The following JDP2 variants were observed in gnomAD, a reference collection of about 807,000 sequenced individuals.
JDP2 encodes Jun dimerization protein 2.
In JDP2, 9 loss-of-function variants were observed where a neutral mutation model predicts 17.1. That is an observed-to-expected ratio of 0.53 (90% confidence interval 0.32 to 0.92). The LOEUF (loss-of-function observed/expected upper bound fraction) is 0.92. JDP2 is among the 40% of genes least tolerant of loss of function. The probability of loss-of-function intolerance (pLI) is 0.04; values close to 1 mark genes in which losing one functional copy is unlikely to be tolerated. For missense variants in JDP2, 179 were observed against 220.0 expected, an observed-to-expected ratio of 0.81 and a Z score of 1.18; for synonymous variants, 107 against 95.6, an observed-to-expected ratio of 1.12 and a Z score of -0.69.
At chr14:75,457,896 A>T (rs1313785392) in intron 2 of JDP2, among the ~76,000 whole-genome samples, 1 of 152,266 alleles carries the variant, frequency 6.6e-6, no homozygotes, top group Non-Finnish European at 1.5e-5. Flanking sequence ...GGAAAAGGCC[A>T]TGCAGATGCA....
chr14:75,456,042 A>G lies in JDP2; in HGVS notation c.202-5384A>G, dbSNP rs533105046. Among the ~76,000 whole-genome samples the G allele has an allele frequency of 2.5e-4, 38 of 152,298 alleles. No homozygotes were observed. In the South Asian group the frequency reaches 6.6e-3, roughly 27 times the overall value. ...TTCAGCTCCTCCATTAGCCCCTGGC[A>G]TCACCTGACCTCCAAGGGTAGAAGC... On this transcript the variant is annotated intron_variant, in intron 2 of 3. Coordinates refer to ENST00000651602, the MANE Select transcript of JDP2 (RefSeq NM_001135048.2).
intron 2 of JDP2, among the ~76,000 whole-genome samples, chr14:75,453,028 T>C (rs1425132532): frequency 6.6e-6 from 1 of 151,970 alleles, no homozygotes. Flanking sequence ...CCCTGCAGGC[T>C]GCCGGGGGTC....
In JDP2 at chr14:75,428,201, G is replaced by C. The variant is rs1457908300; in HGVS notation, c.-75G>C. 1 of 145,832 alleles carries C rather than the reference G, an allele frequency of 6.9e-6. No homozygotes were observed. Among genetic ancestry groups the C allele is most frequent in the Admixed American group, 6.8e-5 (1 of 14,716 alleles). The allele number at this position is 145,832 out of a possible 1,614,324, so 9.0% of individuals were successfully genotyped here. ...GCGGCGCGGAGCGGGCACGGCGCCT[G>C]CAGCCGGGCCCCGGCCCCGGGGGCG... On this transcript the variant is annotated 5_prime_UTR_variant, in exon 1 of 4. Coordinates refer to ENST00000651602, the MANE Select transcript of JDP2 (RefSeq NM_001135048.2). The surrounding 1 kb of genome is among the most constrained non-coding windows in gnomAD (Gnocchi z 5.6).
intron 3 of JDP2, among the ~76,000 whole-genome samples, chr14:75,466,426 G>C (rs555285956): frequency 5.3e-5 from 8 of 152,228 alleles, no homozygotes; most frequent in Non-Finnish European, 1.0e-4. Context: ...GGGTGACAGA[G>C]TGAGACTCTG....
intron 2 of JDP2, among the ~76,000 whole-genome samples, chr14:75,444,654 CCT>C (rs750907582): frequency 7.9e-5 from 12 of 152,218 alleles, no homozygotes; most frequent in Non-Finnish European, 1.6e-4. Context: ...GGATCCACAT[CCT>C]CATCACAGAG....
Position 75,461,535 on chromosome 14 carries a change from G to A in JDP2, c.306+5G>A. ...CGCACGGAGTTTCTGCAGCGGGTGA[G>A]CTGACCGGGTGGGTGGGGAGGCCTG... On this transcript the variant is annotated splice_donor_5th_base_variant and intron_variant, in intron 3 of 3. Coordinates refer to ENST00000651602, the MANE Select transcript of JDP2 (RefSeq NM_001135048.2). 1 of 1,594,658 alleles carries A rather than the reference G, an allele frequency of 6.3e-7. No individual in the cohort carries two copies.
intron 2 of JDP2, among the ~76,000 whole-genome samples, chr14:75,458,000 T>G (rs1222551512): frequency 6.6e-6 from 1 of 152,194 alleles, no homozygotes; most frequent in Non-Finnish European, 1.5e-5. Flanking sequence ...GAGTGACATT[T>G]GTTGAGCCCC....
intron 2 of JDP2, chr14:75,445,140 T>G (rs1885536675): frequency 1.0e-6 from 1 of 985,026 alleles, no homozygotes. Context: ...CTCTCCTGGG[T>G]GAGGCTCATC....
At chr14:75,449,486 GAGA>G (rs1289916161) in intron 2 of JDP2, among the ~76,000 whole-genome samples, 1 of 152,164 alleles carries the variant, frequency 6.6e-6, no homozygotes, top group African/African-American at 2.4e-5. Flanking sequence ...TTAACTCTTT[GAGA>G]AGAAGACAGA....
chr14:75,456,636 C>T (rs755218143), intron 2 of JDP2, among the ~76,000 whole-genome samples: 2 of 152,158 alleles, frequency 1.3e-5, no homozygotes, highest in African/African-American at 2.4e-5. Flanking sequence ...GGTTGTTTCT[C>T]TCTTGGTACG....
intron 2 of JDP2, among the ~76,000 whole-genome samples, chr14:75,453,412 C>T (rs950297172): frequency 6.6e-6 from 1 of 152,292 alleles, no homozygotes; most frequent in South Asian, 2.1e-4. Context: ...CAACTCAGCA[C>T]GCCCTGAACT....
At chr14:75,460,274 T>A (rs1207071665) in intron 2 of JDP2, among the ~76,000 whole-genome samples, 1 of 150,862 alleles carries the variant, frequency 6.6e-6, no homozygotes, top group Non-Finnish European at 1.5e-5. Flanking sequence ...GGAGGCCCCT[T>A]GCTTGTTCCC....
intron 2 of JDP2, 79 bp downstream of exon 2, chr14:75,438,200 G>A: frequency 8.4e-7 from 1 of 1,194,474 alleles, no homozygotes; most frequent in Non-Finnish European, 1.2e-6. Context: ...GCTGTTCAAA[G>A]TGTGGTCTGA....
intron 3 of JDP2, among the ~76,000 whole-genome samples, chr14:75,467,883 G>A (rs1886635708): frequency 6.6e-6 from 1 of 152,114 alleles, no homozygotes; most frequent in Non-Finnish European, 1.5e-5. Flanking sequence ...CCTTTAGTGA[G>A]GCTGTTTTCT....
intron 2 of JDP2, among the ~76,000 whole-genome samples, chr14:75,441,681 G>A (rs943889586): frequency 1.3e-5 from 2 of 152,194 alleles, no homozygotes; most frequent in African/African-American, 2.4e-5. Flanking sequence ...GTCATTTCCT[G>A]GGTTGTGGGA....
intron 2 of JDP2, among the ~76,000 whole-genome samples, chr14:75,441,070 G>C (rs1885323309): frequency 6.6e-6 from 1 of 152,174 alleles, no homozygotes; most frequent in South Asian, 2.1e-4. Context: ...GACATTGTCT[G>C]ATGAGTGCTG....
intron 2 of JDP2, among the ~76,000 whole-genome samples, chr14:75,438,419 G>A (rs1885179936): frequency 6.6e-6 from 1 of 152,190 alleles, no homozygotes; most frequent in South Asian, 2.1e-4. Context: ...AATAATGACA[G>A]TAATGAATAG....
chr14:75,439,520 C>T lies in JDP2; in HGVS notation c.201+1399C>T, dbSNP rs114465174. ...CAGGCCCCTGCACCTCCCTGTTATT[C>T]GTGATCCTACTTACATTGTTGGTTT... On this transcript the variant is annotated intron_variant, in intron 2 of 3. Transcript: ENST00000651602. Among the ~76,000 whole-genome samples the T allele has an allele frequency of 9.3e-3, 1,416 of 152,310 alleles. 21 individuals are homozygous for T. Among genetic ancestry groups the T allele is most frequent in the African/African-American group, 0.032 (1,343 of 41,550 alleles).
chr14:75,462,419 G>T (rs1056965065), intron 3 of JDP2, among the ~76,000 whole-genome samples: 2 of 152,200 alleles, frequency 1.3e-5, no homozygotes, highest in East Asian at 3.8e-4. Context: ...GTAAAGTTGG[G>T]TGCTGTGCTG....
Sources: allele counts gnomAD v4.1 joint callset (sites outside exome capture counted in the v4.1 genomes callset), GRCh38; gene constraint gnomAD v4.1.1; non-coding constraint Gnocchi (gnomAD v3.1); transcripts MANE v1.5; gene names NCBI Gene and HGNC (gene_info 2026-07-23, HGNC 2026-07-21).